PCDH15: variants seen among roughly 807,000 people sequenced by gnomAD.
PCDH15 encodes protocadherin-15.
PCDH15 carries 129 observed loss-of-function variants against 178.5 expected under a neutral mutation model. That is an observed-to-expected ratio of 0.72 (90% CI 0.63 to 0.84). The LOEUF (loss-of-function observed/expected upper bound fraction) is 0.84, where lower values mean the gene tolerates loss of function less well. Among genes scored for constraint, PCDH15 ranks in the 40% least tolerant of loss-of-function variants. The pLI, the probability that PCDH15 is intolerant of heterozygous loss-of-function variation, is 0.00. For synonymous variants in PCDH15, 800 were observed against 732.0 expected (o/e 1.09, Z -1.50); for missense variants, 2,230 against 2,099.9 (o/e 1.06, Z -1.21).
intron 1 of PCDH15, among the ~76,000 whole-genome samples, chr10:55,179,167 G>T (rs1023265665): frequency 1.3e-5 from 2 of 151,914 alleles, no homozygotes; most frequent in African/African-American, 4.8e-5. Context: ...CCTTTTTACT[G>T]GGGACCCTTA....
intron 2 of PCDH15, among the ~76,000 whole-genome samples, chr10:55,350,801 G>T (rs947190711): frequency 2.0e-5 from 3 of 151,782 alleles, no homozygotes; most frequent in African/African-American, 7.3e-5. Context: ...TTCTTTTCTT[G>T]TTTTTTTACA....
At chr10:54,506,764 G>A (rs932940182) in intron 3 of PCDH15, among the ~76,000 whole-genome samples, 1 of 151,862 alleles carries the variant, frequency 6.6e-6, no homozygotes. Context: ...TTAGTATTCC[G>A]CAGCTTTACT....
At chr10:55,112,458 A>G (rs1284329529) in intron 2 of PCDH15, among the ~76,000 whole-genome samples, 1 of 152,160 alleles carries the variant, frequency 6.6e-6, no homozygotes, top group Non-Finnish European at 1.5e-5. Context: ...AAAGGAATTA[A>G]AAGTTGAATA....
In PCDH15 at chr10:54,228,942, G is replaced by A. The variant is rs1230102894; in HGVS notation, c.985+7881C>T. 2.6e-5 allele frequency among the ~76,000 whole-genome samples: 4 copies of A among 152,284 alleles called. No individual in the cohort carries two copies. The Middle Eastern group carries it at 0.01, about 388-fold the overall frequency. On this transcript the variant is annotated intron_variant, in intron 9 of 37. Coordinates refer to ENST00000644397, the MANE Select transcript of PCDH15 (RefSeq NM_001384140.1). ...TCACAAGCAGCCTTCTCTCTTGTCT[G>A]TTTGCTTTCAACACATTGCAGTGAC...
At chr10:55,052,234 C>G (rs1841180705) in intron 2 of PCDH15, among the ~76,000 whole-genome samples, 1 of 151,628 alleles carries the variant, frequency 6.6e-6, no homozygotes, top group South Asian at 2.1e-4. Context: ...ACTACAGGCA[C>G]CTACCACCAC....
intron 2 of PCDH15, among the ~76,000 whole-genome samples, chr10:54,585,710 A>C (rs571793874): frequency 6.6e-6 from 1 of 152,262 alleles, no homozygotes; most frequent in South Asian, 2.1e-4. Flanking sequence ...CTATTAGCTT[A>C]ACAGATAAAA....
intron 13 of PCDH15, among the ~76,000 whole-genome samples, chr10:54,174,929 A>T (rs527461524): frequency 9.2e-5 from 14 of 152,086 alleles, no homozygotes; most frequent in African/African-American, 3.4e-4. Flanking sequence ...AATAACCTGT[A>T]TAAGTTCAGA....
At chr10:55,531,406 C>T (rs1841451853) in intron 2 of PCDH15, among the ~76,000 whole-genome samples, 1 of 151,932 alleles carries the variant, frequency 6.6e-6, no homozygotes, top group Non-Finnish European at 1.5e-5. Context: ...ACATAAATGG[C>T]TCTTATTAAT....
chr10:54,503,225 ATGTGTGTGTGTGTG>A (rs35951831), intron 3 of PCDH15, among the ~76,000 whole-genome samples: 5 of 83,756 alleles, frequency 6.0e-5, no homozygotes, highest in Admixed American at 1.5e-4. Flanking sequence ...ATACATATAT[ATGTGTGTGTGTGTG>A]TGTGTGTGTG....
At chr10:55,398,278 C>A (rs1424101831) in intron 2 of PCDH15, among the ~76,000 whole-genome samples, 2 of 151,904 alleles carry the variant, frequency 1.3e-5, no homozygotes, top group African/African-American at 4.8e-5. Flanking sequence ...ACATGAGAGG[C>A]AAGAAAGTGA....
At chr10:54,912,593 CAG>C (rs1193783896) in intron 2 of PCDH15, among the ~76,000 whole-genome samples, 1 of 152,106 alleles carries the variant, frequency 6.6e-6, no homozygotes, top group Non-Finnish European at 1.5e-5. Flanking sequence ...ATAAATTATC[CAG>C]TGGGGACTCA....
chr10:53,917,599 C>A (rs924216833), intron 25 of PCDH15, among the ~76,000 whole-genome samples: 4 of 152,134 alleles, frequency 2.6e-5, no homozygotes, highest in Non-Finnish European at 1.5e-5. Context: ...TGCACCTAAA[C>A]ACAGACACAC....
At chr10:54,058,778 C>T (rs1412644799) in intron 18 of PCDH15, among the ~76,000 whole-genome samples, 1 of 151,758 alleles carries the variant, frequency 6.6e-6, no homozygotes, top group Non-Finnish European at 1.5e-5. Flanking sequence ...ACTGCAACCT[C>T]TGCCTCCTGG....
intron 8 of PCDH15, 100 bp from the exon 9 acceptor site, chr10:54,237,031 G>T: frequency 2.0e-6 from 2 of 1,007,008 alleles, no homozygotes; most frequent in African/African-American, 1.6e-5. Context: ...TAACGTCTGA[G>T]ACAGTAAACT....
chr10:54,729,239 A>G (rs1943004543), intron 1 of PCDH15, among the ~76,000 whole-genome samples: 1 of 151,676 alleles, frequency 6.6e-6, no homozygotes, highest in Non-Finnish European at 1.5e-5. Context: ...TCAATGGAAC[A>G]GGTTAAAGAA....
intron 4 of PCDH15, among the ~76,000 whole-genome samples, chr10:54,376,533 T>C (rs1178595776): frequency 2.0e-5 from 3 of 151,334 alleles, no homozygotes. Flanking sequence ...GCACTCACTT[T>C]TTTTAAAATG....
At chr10:55,181,632 TA>T (rs1839650661) in intron 1 of PCDH15, among the ~76,000 whole-genome samples, 1 of 151,908 alleles carries the variant, frequency 6.6e-6, no homozygotes, top group Non-Finnish European at 1.5e-5. Context: ...TTGAACTGTT[TA>T]AAAAAGAAGG....
chr10:55,517,192 A>C (rs866562227), intron 2 of PCDH15, among the ~76,000 whole-genome samples: 2 of 152,074 alleles, frequency 1.3e-5, no homozygotes, highest in Non-Finnish European at 2.9e-5. Flanking sequence ...TTAATAGTAA[A>C]ATGTTAGCAA....
At chr10:54,065,756 GA>G (rs1304516023) in intron 18 of PCDH15, among the ~76,000 whole-genome samples, 2 of 152,156 alleles carry the variant, frequency 1.3e-5, no homozygotes, top group Non-Finnish European at 2.9e-5. Context: ...AGGAAAAAAT[GA>G]CTTTTAAAAA....
Sources: gnomAD v4.1 joint callset for allele counts (sites outside exome capture counted in the v4.1 genomes callset) on GRCh38, gnomAD v4.1.1 for gene constraint, MANE v1.5 for transcripts, NCBI Gene and HGNC (gene_info 2026-07-23, HGNC 2026-07-21) for gene names.